The following SLC36A2 variants were observed in gnomAD, a reference collection of about 807,000 sequenced individuals.
The protein encoded by SLC36A2 is proton-coupled amino acid transporter 2.
SLC36A2 carries 39 observed loss-of-function variants against 42.7 expected under a neutral mutation model. That is an observed-to-expected ratio of 0.91 (90% CI 0.71 to 1.19). The LOEUF (loss-of-function observed/expected upper bound fraction) is 1.19, where lower values mean the gene tolerates loss of function less well. SLC36A2 is among the 50% of genes most tolerant of loss of function. The pLI, the probability that SLC36A2 is intolerant of heterozygous loss-of-function variation, is 0.00. For missense variants in SLC36A2, 590 were observed against 613.7 expected (o/e 0.96, Z 0.41); for synonymous variants, 237 against 240.8 (o/e 0.98, Z 0.15).
In SLC36A2 at chr5:151,316,898, C is replaced by A. The variant is rs1488149800; in HGVS notation, c.1371G>T (p.Val457=). 1 of 1,613,968 alleles carries A rather than the reference C, an allele frequency of 6.2e-7. No individual in the cohort carries two copies. Among genetic ancestry groups the A allele is most frequent in the Non-Finnish European group, 8.5e-7 (1 of 1,180,014 alleles). ...GCTCGTCCAGGGCCTGGTAGGTCCC[C>A]ACCACAAAGCCCACGAAGCCCAGGA... is the stretch of plus-strand genomic sequence containing the variant. ...ISILGFVGFV[V]GTYQALDELL... Residue 457 remains valine (V), a synonymous_variant, in exon 10 of 10, where the codon GTG becomes GTT. Coordinates refer to ENST00000335244, the MANE Select transcript of SLC36A2 (RefSeq NM_181776.3).
At chr5:151,338,592 C>T (rs541537386) in intron 5 of SLC36A2, 3 of 162,450 alleles carry the variant, frequency 1.8e-5, no homozygotes, top group African/African-American at 7.2e-5. Flanking sequence ...GGGAGAATCA[C>T]TTGAGCCTGG....
chr5:151,333,929 A>G (rs976437467), intron 6 of SLC36A2, among the ~76,000 whole-genome samples: 1 of 152,230 alleles, frequency 6.6e-6, no homozygotes, highest in Non-Finnish European at 1.5e-5. Flanking sequence ...TTGAATGGAC[A>G]GTGGTCATGG....
intron 2 of SLC36A2, among the ~76,000 whole-genome samples, chr5:151,343,897 G>A (rs948455521): frequency 6.6e-6 from 1 of 152,184 alleles, no homozygotes; most frequent in Non-Finnish European, 1.5e-5. Flanking sequence ...GGGACCTGGT[G>A]TTCTATAGAG....
chr5:151,339,600 A>G (rs1186464217), intron 4 of SLC36A2, among the ~76,000 whole-genome samples: 1 of 152,202 alleles, frequency 6.6e-6, no homozygotes, highest in Non-Finnish European at 1.5e-5. Flanking sequence ...ATAAGCCACC[A>G]TGCCCGGCCA....
At position 151,339,069 on chromosome 5, in the gene SLC36A2, A is replaced by T; in HGVS notation, c.516T>A (p.Asn172Lys). 6.2e-7 allele frequency: 1 copy of T among 1,609,812 alleles called. No individual in the cohort carries two copies. The highest frequency in any genetic ancestry group is 8.5e-7 in the Non-Finnish European group (1 of 1,177,014). ...CCVYIVFLAD[N>K]LKQVVEAVNS... The stretch of plus-strand genomic sequence containing the variant: ...CTCTAGAAGCCTCTACCTGTTTTAA[A>T]TTATCAGCCAAAAACACAATGTACA... Residue 172 changes from asparagine (N) to lysine (K), a missense_variant, in exon 5 of 10, where the codon AAT becomes AAA. Coordinates refer to ENST00000335244, the MANE Select transcript of SLC36A2 (RefSeq NM_181776.3).
chr5:151,317,015 C>T lies in SLC36A2; in HGVS notation c.1254G>A (p.Leu418=). The T allele has an allele frequency of 4.3e-6, 7 of 1,614,014 alleles. No homozygotes were observed. Among genetic ancestry groups the T allele is most frequent in the Non-Finnish European group, 5.9e-6 (7 of 1,179,990 alleles). Residue 418 remains leucine, a synonymous_variant, in exon 10 of 10, where the codon CTG becomes CTA. Transcript: ENST00000335244. Reference sequence around the variant, plus strand: ...CCAGGAGCGGTGGGATGATGAGGGCCAGGGCGGTGCCACTCACGGAGCCCA... The same window carrying T: ...CCAGGAGCGGTGGGATGATGAGGGCTAGGGCGGTGCCACTCACGGAGCCCA... ...SLVGSVSGTA[L]ALIIPPLLEV... is the part of the protein sequence containing the mutation.
intron 7 of SLC36A2, among the ~76,000 whole-genome samples, chr5:151,328,466 C>G (rs1440206111): frequency 6.6e-6 from 1 of 152,160 alleles, no homozygotes; most frequent in African/African-American, 2.4e-5. Flanking sequence ...AGAGAAACTT[C>G]TTTTTGGACA....
intron 8 of SLC36A2, among the ~76,000 whole-genome samples, chr5:151,322,919 C>T (rs1054211101): frequency 4.6e-5 from 7 of 152,158 alleles, no homozygotes; most frequent in Admixed American, 1.3e-4. Flanking sequence ...TCCACTAATG[C>T]AGTAGATGCA....
In SLC36A2 at chr5:151,315,720, A is replaced by G. The variant is rs1326185434; in HGVS notation, c.*1097T>C. 6.6e-6 allele frequency: 1 copy of G among 152,278 alleles called. No individual in the cohort carries two copies. The highest frequency in any genetic ancestry group is 1.5e-5 in the Non-Finnish European group (1 of 68,046). 9.4% of individuals were successfully genotyped at this position (152,278 alleles called of 1,614,324 possible). On this transcript the variant is annotated 3_prime_UTR_variant, in exon 10 of 10. Coordinates refer to ENST00000335244, the MANE Select transcript of SLC36A2 (RefSeq NM_181776.3). ...CATCTTTTCATAGGAGCAGGTGCAA[A>G]GTCACATTATCACGAGGAATTTATG...
intron 4 of SLC36A2, among the ~76,000 whole-genome samples, chr5:151,341,991 G>A (rs542248902): frequency 6.6e-6 from 1 of 152,228 alleles, no homozygotes; most frequent in Admixed American, 6.5e-5. Flanking sequence ...TGACCTGGCT[G>A]GGTACTGTTA....
intron 5 of SLC36A2, among the ~76,000 whole-genome samples, chr5:151,336,541 T>A (rs2127295275): frequency 6.6e-6 from 1 of 151,618 alleles, no homozygotes; most frequent in South Asian, 2.1e-4. Flanking sequence ...GCTTACTGAT[T>A]CCTAATTGAC....
intron 9 of SLC36A2, 113 bp from the exon 10 acceptor site, chr5:151,317,201 C>CAA: frequency 7.1e-7 from 1 of 1,410,080 alleles, no homozygotes; most frequent in Non-Finnish European, 9.7e-7. Flanking sequence ...CTTGTAATCC[C>CAA]AGCACTTTGG....
intron 5 of SLC36A2, chr5:151,338,716 A>T (rs10068499): frequency 0.14 from 32,769 of 234,116 alleles, 7,934 homozygotes; most frequent in African/African-American, 0.6. Flanking sequence ...CCTAAAGAAG[A>T]CTAGGAATCA....
rs778139122 is a variant in SLC36A2, at chr5:151,325,300, G to A, written c.996C>T (p.Asn332=). 6 of 1,613,540 alleles carry A rather than the reference G, an allele frequency of 3.7e-6. No individual in the cohort carries two copies. In the Admixed American group the frequency reaches 8.3e-5, roughly 22 times the overall value. ...CATGAAGATACCAGCAGTTAGGCAGGTTAAGGCTTATGCTGGCCTTGATGT... is the reference window on the plus strand; with the variant it reads ...CATGAAGATACCAGCAGTTAGGCAGATTAAGGCTTATGCTGGCCTTGATGT... The part of the protein sequence containing the change: ...GDDIKASISL[N]LPNCWLYQSV... Residue 332 remains asparagine, a synonymous_variant, in exon 8 of 10, where the codon AAC becomes AAT. Transcript: ENST00000335244.
chr5:151,322,088 G>A lies in SLC36A2; in HGVS notation c.1138C>T (p.Pro380Ser), dbSNP rs1755712369. ...ACGAGGCGAATGGACAGATCCAGAG[G>A]CAGTGCCCAGCGTGTTGACACCCGG... Reference protein sequence around the residue: ...ISRVSTRWALPLDLSIRLVMV... With the variant: ...ISRVSTRWALSLDLSIRLVMV... Residue 380 changes from proline (P) to serine (S), a missense_variant, in exon 9 of 10, where the codon CCT becomes TCT. Transcript: ENST00000335244. 1.2e-6 allele frequency: 2 copies of A among 1,614,070 alleles called. No homozygotes were observed. Among genetic ancestry groups the A allele is most frequent in the African/African-American group, 2.7e-5 (2 of 74,926 alleles).
chr5:151,345,125 A>G (rs546785930), intron 1 of SLC36A2, among the ~76,000 whole-genome samples: 1 of 152,306 alleles, frequency 6.6e-6, no homozygotes, highest in South Asian at 2.1e-4. Flanking sequence ...GAGGCACTCT[A>G]TTAGCGGAAT....
At chr5:151,332,367 C>A in intron 7 of SLC36A2, 2 of 454,326 alleles carry the variant, frequency 4.4e-6, no homozygotes, top group South Asian at 3.1e-5. Flanking sequence ...AGAAGATGTG[C>A]AAATTGCCAA....
chr5:151,319,239 G>A (rs1325141807), intron 9 of SLC36A2: 2 of 475,684 alleles, frequency 4.2e-6, no homozygotes, highest in Non-Finnish European at 5.5e-6. Context: ...GAAGTGTAGT[G>A]TAGGCTTAAG....
intron 8 of SLC36A2, among the ~76,000 whole-genome samples, chr5:151,324,829 G>T (rs1004493150): frequency 6.6e-6 from 1 of 152,092 alleles, no homozygotes; most frequent in Non-Finnish European, 1.5e-5. Context: ...TTGTAGAAGT[G>T]GGGTCTTACC....
Sources: gnomAD v4.1 joint callset for allele counts (sites outside exome capture counted in the v4.1 genomes callset) on GRCh38, gnomAD v4.1.1 for gene constraint, MANE v1.5 for transcripts, NCBI Gene and HGNC (gene_info 2026-07-23, HGNC 2026-07-21) for gene names.